The following PTER variants were observed in gnomAD, a reference collection of about 807,000 sequenced individuals.
PTER encodes N-acetyltaurine hydrolase.
Under a neutral mutation model 29.6 loss-of-function variants are expected in PTER, and 38 were observed. That is an observed-to-expected ratio of 1.28 (90% CI 0.99 to 1.68). The LOEUF (loss-of-function observed/expected upper bound fraction) is 1.68. Among genes scored for constraint, PTER ranks in the 40% most tolerant of loss-of-function variants. The pLI, the probability that PTER is intolerant of heterozygous loss-of-function variation, is 0.00. For synonymous variants in PTER, 172 were observed against 154.5 expected (o/e 1.11, Z -0.84); for missense variants, 482 against 427.8 (o/e 1.13, Z -1.12).
At chr10:16,505,419 G>A (rs1475393139) in intron 4 of PTER, among the ~76,000 whole-genome samples, 1 of 152,090 alleles carries the variant, frequency 6.6e-6, no homozygotes, top group Non-Finnish European at 1.5e-5. Flanking sequence ...AGGAAACACA[G>A]ATAATACCCA....
At chr10:16,491,985 A>G (rs193013861) in intron 3 of PTER, among the ~76,000 whole-genome samples, 3 of 152,174 alleles carry the variant, frequency 2.0e-5, no homozygotes, top group East Asian at 1.9e-4. Context: ...AACAACAACA[A>G]ATTGCTACAT....
chr10:16,475,213 G>A (rs1835214720), intron 1 of PTER, among the ~76,000 whole-genome samples: 1 of 152,196 alleles, frequency 6.6e-6, no homozygotes, highest in African/African-American at 2.4e-5. Flanking sequence ...CTAAGCCAGA[G>A]GTTACAAACA....
At chr10:16,466,293 T>C (rs1284918327) in intron 1 of PTER, among the ~76,000 whole-genome samples, 1 of 129,980 alleles carries the variant, frequency 7.7e-6, no homozygotes. Flanking sequence ...TTTTCTGTTA[T>C]AACTACCTTT....
chr10:16,458,816 G>T (rs1046269730), intron 1 of PTER, among the ~76,000 whole-genome samples: 3 of 152,112 alleles, frequency 2.0e-5, no homozygotes, highest in Non-Finnish European at 2.9e-5. Flanking sequence ...CACAAGAAGC[G>T]TGAGTCCAAT....
At chr10:16,465,160 C>G (rs1305643499) in intron 1 of PTER, among the ~76,000 whole-genome samples, 1 of 152,160 alleles carries the variant, frequency 6.6e-6, no homozygotes, top group East Asian at 1.9e-4. Flanking sequence ...ATCAGTACCT[C>G]TCTCCTGACA....
At chr10:16,482,818 G>A (rs1362169427) in intron 1 of PTER, among the ~76,000 whole-genome samples, 1 of 151,818 alleles carries the variant, frequency 6.6e-6, no homozygotes, top group Non-Finnish European at 1.5e-5. Flanking sequence ...ATCTCGCTCT[G>A]TTTCCCAGGC....
chr10:16,461,941 A>C (rs1464486883), intron 1 of PTER, among the ~76,000 whole-genome samples: 1 of 151,698 alleles, frequency 6.6e-6, no homozygotes, highest in African/African-American at 2.4e-5. Context: ...TTTTTTTTCA[A>C]ACTGGGGTCT....
At chr10:16,506,380 C>G (rs1156563972) in intron 4 of PTER, among the ~76,000 whole-genome samples, 2 of 152,070 alleles carry the variant, frequency 1.3e-5, no homozygotes, top group East Asian at 3.9e-4. Context: ...GACTTAAGAG[C>G]AAAAGCAGAG....
At chr10:16,438,937 A>AAAT (rs1286890289) in intron 1 of PTER, among the ~76,000 whole-genome samples, 1 of 151,172 alleles carries the variant, frequency 6.6e-6, no homozygotes, top group Admixed American at 6.6e-5. Flanking sequence ...AAAAAAAAAA[A>AAAT]AGGTAAGTGG....
chr10:16,460,473 T>A (rs977512476), intron 1 of PTER, among the ~76,000 whole-genome samples: 15 of 152,196 alleles, frequency 9.9e-5, no homozygotes, highest in Admixed American at 4.6e-4. Context: ...AGCTCAAAAA[T>A]TCTAAAGTCA....
chr10:16,493,380 A>G (rs995786637), intron 3 of PTER, among the ~76,000 whole-genome samples: 1 of 152,218 alleles, frequency 6.6e-6, no homozygotes, highest in African/African-American at 2.4e-5. Context: ...TGTAACATCT[A>G]GAATCCTATG....
At chr10:16,472,423 G>A (rs1015161500) in intron 1 of PTER, among the ~76,000 whole-genome samples, 2 of 152,042 alleles carry the variant, frequency 1.3e-5, no homozygotes, top group Non-Finnish European at 2.9e-5. Flanking sequence ...CCCCCATACT[G>A]TTCTCCTGGT....
chr10:16,448,851 G>A (rs1466184107), intron 1 of PTER, among the ~76,000 whole-genome samples: 1 of 152,238 alleles, frequency 6.6e-6, no homozygotes, highest in Non-Finnish European at 1.5e-5. Context: ...CTTCTGGTGT[G>A]CCTTATGGAT....
downstream of PTER, among the ~76,000 whole-genome samples, chr10:16,515,233 A>AG (rs529160614): frequency 2.2e-4 from 34 of 151,608 alleles, no homozygotes; most frequent in East Asian, 6.2e-3. Context: ...AGAAAAAAAA[A>AG]AAAAAGAAAA....
At chr10:16,460,799 C>T (rs901673168) in intron 1 of PTER, among the ~76,000 whole-genome samples, 1 of 152,076 alleles carries the variant, frequency 6.6e-6, no homozygotes, top group East Asian at 1.9e-4. Context: ...CTACTGCAAC[C>T]TCTACCTCCC....
chr10:16,475,436 G>A (rs1835224188), intron 1 of PTER, among the ~76,000 whole-genome samples: 1 of 152,134 alleles, frequency 6.6e-6, no homozygotes, highest in Admixed American at 6.6e-5. Flanking sequence ...TTGTCTCAGG[G>A]CCTCTTCTCC....
At chr10:16,478,467 G>C (rs1172684893) in intron 1 of PTER, among the ~76,000 whole-genome samples, 1 of 151,650 alleles carries the variant, frequency 6.6e-6, no homozygotes, top group Non-Finnish European at 1.5e-5. Context: ...CTGAGTAGCT[G>C]GTATTACAGG....
chr10:16,460,166 T>G (rs529457013), intron 1 of PTER, among the ~76,000 whole-genome samples: 2 of 152,364 alleles, frequency 1.3e-5, no homozygotes, highest in South Asian at 4.1e-4. Flanking sequence ...AGGGCTTGTT[T>G]CGTGTCATTC....
At chr10:16,485,651 A>C (rs1375353624) in intron 2 of PTER, among the ~76,000 whole-genome samples, 1 of 152,158 alleles carries the variant, frequency 6.6e-6, no homozygotes, top group Non-Finnish European at 1.5e-5. Flanking sequence ...TTGTTTAAAG[A>C]CTATGCTGAT....
Sources: gnomAD v4.1 joint callset for allele counts (sites outside exome capture counted in the v4.1 genomes callset) on GRCh38, gnomAD v4.1.1 for gene constraint, MANE v1.5 for transcripts, NCBI Gene and HGNC (gene_info 2026-07-23, HGNC 2026-07-21) for gene names.